The following NRXN1 variants were observed in gnomAD, a reference collection of about 807,000 sequenced individuals.
NRXN1 encodes neurexin-1.
In NRXN1, 39 loss-of-function variants were observed where a neutral mutation model predicts 150.9. The ratio of observed to expected loss-of-function variants is 0.26; its 90% confidence interval spans 0.20 to 0.34. The LOEUF (loss-of-function observed/expected upper bound fraction) is 0.34, where lower values mean the gene tolerates loss of function less well. Among genes scored for constraint, NRXN1 ranks in the 10% least tolerant of loss-of-function variants. NRXN1 has a pLI of 1.00. For synonymous variants in NRXN1, 924 were observed against 757.0 expected (o/e 1.22, Z -3.62); for missense variants, 1,815 against 1,949.9 (o/e 0.93, Z 1.30).
At chr2:50,108,671 G>T (rs553084900) in intron 18 of NRXN1, among the ~76,000 whole-genome samples, 2 of 152,096 alleles carry the variant, frequency 1.3e-5, no homozygotes, top group Admixed American at 1.3e-4. Context: ...AAATCACTTG[G>T]TAAACTAGAA....
intron 21 of NRXN1, among the ~76,000 whole-genome samples, chr2:50,048,315 C>G (rs1210802185): frequency 6.6e-6 from 1 of 151,916 alleles, no homozygotes; most frequent in African/African-American, 2.4e-5. Context: ...ATTGATTGGA[C>G]TAGGGAAAAT....
intron 17 of NRXN1, among the ~76,000 whole-genome samples, chr2:50,456,415 T>C (rs1376685039): frequency 2.0e-5 from 3 of 152,128 alleles, no homozygotes; most frequent in South Asian, 2.1e-4. Context: ...TATGCTGCTA[T>C]AGAATGCTAC....
chr2:49,998,938 C>G (rs944881428), intron 21 of NRXN1, among the ~76,000 whole-genome samples: 4 of 152,156 alleles, frequency 2.6e-5, no homozygotes, highest in African/African-American at 9.7e-5. Context: ...CCTAGCCAAA[C>G]AAAGCAAGAC....
chr2:50,771,803 A>C (rs1402886556), intron 5 of NRXN1, among the ~76,000 whole-genome samples: 1 of 152,106 alleles, frequency 6.6e-6, no homozygotes, highest in Non-Finnish European at 1.5e-5. Context: ...TGATTCATTC[A>C]TTTGGTAAGT....
At chr2:50,824,305 T>TGA (rs1670146237) in intron 5 of NRXN1, among the ~76,000 whole-genome samples, 1 of 150,966 alleles carries the variant, frequency 6.6e-6, no homozygotes, top group Non-Finnish European at 1.5e-5. Context: ...CCTTTGAGTG[T>TGA]GTGTGTGTGT....
In NRXN1 at chr2:50,794,946, A is replaced by G. The variant is rs560456803; in HGVS notation, c.832+126923T>C. 3.9e-5 allele frequency among the ~76,000 whole-genome samples: 6 copies of G among 152,268 alleles called. No individual in the cohort carries two copies. In the South Asian group the frequency reaches 1.0e-3, roughly 26 times the overall value. Reference sequence around the variant, plus strand: ...TCATCAACCTCATCAAATCACTTTCATAAATGACCTACTTAGGTGTCAAAT... The same window carrying G: ...TCATCAACCTCATCAAATCACTTTCGTAAATGACCTACTTAGGTGTCAAAT... On this transcript the variant is annotated intron_variant, in intron 5 of 22. Coordinates refer to ENST00000401669, the MANE Select transcript of NRXN1 (RefSeq NM_001330078.2).
chr2:50,527,370 G>A (rs2092982580), intron 12 of NRXN1, among the ~76,000 whole-genome samples: 1 of 152,176 alleles, frequency 6.6e-6, no homozygotes, highest in Admixed American at 6.6e-5. Context: ...GATAGAGTTG[G>A]AGAGGAGATT....
intron 17 of NRXN1, among the ~76,000 whole-genome samples, chr2:50,288,172 A>G (rs1223678872): frequency 1.3e-5 from 2 of 152,116 alleles, no homozygotes; most frequent in Non-Finnish European, 2.9e-5. Flanking sequence ...CTGAACACCA[A>G]TTTTCTAGGA....
Position 50,900,857 on chromosome 2 carries a change from T to C in NRXN1, c.832+21012A>G, listed in dbSNP as rs1682838489. Among the ~76,000 whole-genome samples the C allele has an allele frequency of 2.0e-5, 3 of 152,082 alleles. No individual in the cohort carries two copies. The South Asian group carries it at 6.2e-4, about 32-fold the overall frequency. On this transcript the variant is annotated intron_variant, in intron 5 of 22. Transcript: ENST00000401669. Reference sequence around the variant, plus strand: ...GAGCGCTACCTGGATTAGACTGAGCTCACTGGAGGTAGAAAGGAAGAGATG... The same window carrying C: ...GAGCGCTACCTGGATTAGACTGAGCCCACTGGAGGTAGAAAGGAAGAGATG...
chr2:50,339,003 A>C (rs2077373244), intron 17 of NRXN1, among the ~76,000 whole-genome samples: 1 of 152,190 alleles, frequency 6.6e-6, no homozygotes. Flanking sequence ...TCATCTAGAA[A>C]AATATGCCAT....
intron 5 of NRXN1, among the ~76,000 whole-genome samples, chr2:50,866,559 T>G (rs975298617): frequency 2.6e-5 from 4 of 151,932 alleles, no homozygotes; most frequent in Admixed American, 2.6e-4. Context: ...TGTTAAAATA[T>G]CAGATCTATT....
At chr2:51,021,351 G>A (rs1340824532) in intron 2 of NRXN1, among the ~76,000 whole-genome samples, 1 of 151,902 alleles carries the variant, frequency 6.6e-6, no homozygotes, top group Non-Finnish European at 1.5e-5. Context: ...AGCTGAGGAA[G>A]GAGTATAGAA....
chr2:50,233,771 T>G (rs993559944), intron 18 of NRXN1, among the ~76,000 whole-genome samples: 1 of 152,126 alleles, frequency 6.6e-6, no homozygotes, highest in African/African-American at 2.4e-5. Context: ...TTCACAAACC[T>G]AAATCATAAG....
chr2:50,864,742 G>A (rs1348772908), intron 5 of NRXN1, among the ~76,000 whole-genome samples: 1 of 151,994 alleles, frequency 6.6e-6, no homozygotes, highest in African/African-American at 2.4e-5. Flanking sequence ...TATGTGAACA[G>A]AGGAGAAATT....
intron 5 of NRXN1, among the ~76,000 whole-genome samples, chr2:50,885,820 A>AACACACACACACACACAC (rs57614861): frequency 2.6e-4 from 38 of 143,850 alleles, no homozygotes; most frequent in South Asian, 6.7e-4. Context: ...TATTTCTATA[A>AACACACACACACACACAC]ACACACACAC....
At chr2:50,748,936 A>G (rs1047158865) in intron 5 of NRXN1, among the ~76,000 whole-genome samples, 2 of 152,110 alleles carry the variant, frequency 1.3e-5, no homozygotes, top group African/African-American at 4.8e-5. Context: ...TAAAAGTCCA[A>G]AAAAGATTCA....
chr2:50,839,479 C>T (rs1035276855), intron 5 of NRXN1, among the ~76,000 whole-genome samples: 7 of 152,096 alleles, frequency 4.6e-5, no homozygotes, highest in East Asian at 1.9e-4. Flanking sequence ...ACAGATATCA[C>T]GGAACATCTC....
intron 5 of NRXN1, among the ~76,000 whole-genome samples, chr2:50,844,173 T>A (rs1017661502): frequency 6.6e-6 from 1 of 152,098 alleles, no homozygotes; most frequent in Admixed American, 6.5e-5. Context: ...ATCCAGGCAG[T>A]CACAACAGGT....
At chr2:49,986,932 G>T (rs917535110) in intron 21 of NRXN1, among the ~76,000 whole-genome samples, 4 of 152,020 alleles carry the variant, frequency 2.6e-5, no homozygotes, top group Non-Finnish European at 5.9e-5. Flanking sequence ...AGGTGGGGTG[G>T]TGCACACCTG....
Sources: gnomAD v4.1 joint callset for allele counts (sites outside exome capture counted in the v4.1 genomes callset) on GRCh38, gnomAD v4.1.1 for gene constraint, MANE v1.5 for transcripts, NCBI Gene and HGNC (gene_info 2026-07-23, HGNC 2026-07-21) for gene names.